Variants in SLC2A9 observed in about 807,000 individuals in gnomAD.
SLC2A9 encodes solute carrier family 2 member 9.
In SLC2A9, 39 loss-of-function variants were observed where a neutral mutation model predicts 50.6. The observed-to-expected ratio is 0.77, with a 90% confidence interval of 0.60 to 1.01. The LOEUF (loss-of-function observed/expected upper bound fraction) is 1.01, where lower values mean the gene tolerates loss of function less well. Among genes scored for constraint, SLC2A9 ranks in the 50% least tolerant of loss-of-function variants. The pLI is 0.00. For synonymous variants in SLC2A9, 324 were observed against 276.9 expected (o/e 1.17, Z -1.69); for missense variants, 686 against 677.6 (o/e 1.01, Z -0.14).
At chr4:9,869,867 C>T (rs948119465) in intron 10 of SLC2A9, among the ~76,000 whole-genome samples, 2 of 152,258 alleles carry the variant, frequency 1.3e-5, no homozygotes, top group African/African-American at 4.8e-5. Flanking sequence ...CACAAATATA[C>T]ATCCATGTCC....
At chr4:9,926,105 G>T (rs1744843987) in intron 6 of SLC2A9, among the ~76,000 whole-genome samples, 1 of 152,058 alleles carries the variant, frequency 6.6e-6, no homozygotes, top group Admixed American at 6.5e-5. Context: ...CCAGGTGTCT[G>T]TACACCTGCT....
intron 3 of SLC2A9, among the ~76,000 whole-genome samples, chr4:9,807,091 G>A (rs1722222261): frequency 6.6e-6 from 1 of 152,168 alleles, no homozygotes; most frequent in Admixed American, 6.5e-5. Context: ...CAGATATAGT[G>A]GCCATCCAGC....
intron 11 of SLC2A9, among the ~76,000 whole-genome samples, chr4:9,830,010 T>C (rs1025470094): frequency 6.6e-6 from 1 of 152,280 alleles, no homozygotes; most frequent in Non-Finnish European, 1.5e-5. Flanking sequence ...ATCCCATTAC[T>C]GGGTATCTAC....
At chr4:9,977,298 A>T (rs147804285) in intron 5 of SLC2A9, among the ~76,000 whole-genome samples, 2,020 of 152,288 alleles carry the variant, frequency 0.013, 27 homozygotes, top group South Asian at 0.026. Flanking sequence ...TTTAAAGGTC[A>T]GTTTCCAATA....
At chr4:9,775,105 G>C (rs961601124), downstream of SLC2A9, among the ~76,000 whole-genome samples, 4 of 152,206 alleles carry the variant, frequency 2.6e-5, no homozygotes, top group African/African-American at 7.2e-5. Flanking sequence ...TAAGGTGACA[G>C]AAGGACAGAC....
chr4:9,995,478 G>A (rs922870487), intron 3 of SLC2A9, among the ~76,000 whole-genome samples: 2 of 152,178 alleles, frequency 1.3e-5, no homozygotes, highest in Non-Finnish European at 1.5e-5. Flanking sequence ...GAGGAAGAAT[G>A]TAAAGGATTC....
chr4:10,036,938 A>C (rs1764125528), intron 1 of SLC2A9, among the ~76,000 whole-genome samples: 1 of 152,138 alleles, frequency 6.6e-6, no homozygotes, highest in South Asian at 2.1e-4. Flanking sequence ...GGGCTTGCTA[A>C]GGAGCAAGCG....
chr4:9,928,335 G>C (rs1259011050), intron 6 of SLC2A9, among the ~76,000 whole-genome samples: 1 of 152,212 alleles, frequency 6.6e-6, no homozygotes, highest in Admixed American at 6.5e-5. Context: ...TTTAACAGGA[G>C]TGAGAAAGTA....
intron 4 of SLC2A9, among the ~76,000 whole-genome samples, chr4:9,981,278 G>A (rs111155343): frequency 0.091 from 485 of 5,352 alleles, 94 homozygotes; most frequent in Middle Eastern, 0.18. Flanking sequence ...TAGTGGTGGT[G>A]GTAGTAGTAA....
At chr4:9,845,423 A>ATTTT (rs1183351674) in intron 10 of SLC2A9, among the ~76,000 whole-genome samples, 2 of 130,824 alleles carry the variant, frequency 1.5e-5, no homozygotes, top group African/African-American at 6.3e-5. Flanking sequence ...ACGATCATCA[A>ATTTT]TTTCTTTTTT....
At chr4:9,798,057 G>T (rs1720810572), downstream of SLC2A9, among the ~76,000 whole-genome samples, 1 of 152,212 alleles carries the variant, frequency 6.6e-6, no homozygotes, top group South Asian at 2.1e-4. Context: ...GAGCAGATGA[G>T]ATTTATTTTT....
At chr4:9,892,816 C>A (rs1298057525) in intron 8 of SLC2A9, among the ~76,000 whole-genome samples, 1 of 152,172 alleles carries the variant, frequency 6.6e-6, no homozygotes, top group African/African-American at 2.4e-5. Flanking sequence ...ATTAACCCTT[C>A]CATGTCTTAA....
chr4:10,030,757 T>C (rs1763917316), intron 1 of SLC2A9, among the ~76,000 whole-genome samples: 1 of 152,214 alleles, frequency 6.6e-6, no homozygotes, highest in African/African-American at 2.4e-5. Context: ...CCCATCTTTC[T>C]GGTCCAAATC....
At chr4:9,976,490 A>G (rs1482236208) in intron 5 of SLC2A9, among the ~76,000 whole-genome samples, 1 of 152,254 alleles carries the variant, frequency 6.6e-6, no homozygotes, top group African/African-American at 2.4e-5. Context: ...AAATCCCCAG[A>G]GACATGAATA....
Position 9,887,654 on chromosome 4 carries a change from C to T in SLC2A9, c.1216-12G>A. ...CAGGGGGCGTGGTCCTGGGAGAGAA[C>T]AGGGAGTGGTCAGGTGAGGAGGTGA... On this transcript the variant is annotated splice_polypyrimidine_tract_variant and intron_variant, in intron 9 of 11. Transcript: ENST00000264784. 4 of 1,508,010 alleles carry T rather than the reference C, an allele frequency of 2.7e-6. No homozygotes were observed. The highest frequency in any genetic ancestry group is 3.6e-6 in the Non-Finnish European group (4 of 1,124,494). The allele number at this position is 1,508,010 out of a possible 1,614,324, so 93.4% of individuals were successfully genotyped here.
At position 9,782,982 on chromosome 4, in the gene SLC2A9, T is replaced by C. The variant is rs1435211229; in HGVS notation, n.386-2917A>G. The C allele has an allele frequency of 6.8e-6, 11 of 1,614,182 alleles. No individual in the cohort carries two copies. Among genetic ancestry groups the C allele is most frequent in the Middle Eastern group, 3.3e-4 (2 of 6,056 alleles). On this transcript the variant is annotated intron_variant and non_coding_transcript_variant, in intron 3 of 3. Transcript: ENST00000503803. ...CTGCCCTTCTTCATCCTTAACTGCA[T>C]GGTCCCTTTCTGCAGTGGACACCCC...
At position 10,021,322 on chromosome 4, in the gene SLC2A9, A is replaced by C. The variant is rs755431146; in HGVS notation, c.108T>G (p.Cys36Trp). 1.2e-6 allele frequency: 2 copies of C among 1,614,014 alleles called. No homozygotes were observed. The highest frequency in any genetic ancestry group is 1.7e-6 in the Non-Finnish European group (2 of 1,180,042). ...PPGPGRALLE[C>W]DHLRSGVPGG... is the part of the protein sequence containing the mutation. ...CTGGCACCCCACTCCTCAGGTGGTC[A>C]CACTCCAGCAGTGCCCTCCCTGGCC... Residue 36 changes from cysteine to tryptophan, a missense_variant, in exon 1 of 12, where the codon TGT (cysteine) becomes TGG (tryptophan). Cys to Trp is a radical substitution (Grantham distance 215). Transcript: ENST00000264784.
chr4:9,971,504 C>T (rs972157518), intron 5 of SLC2A9, among the ~76,000 whole-genome samples: 1 of 152,198 alleles, frequency 6.6e-6, no homozygotes, highest in African/African-American at 2.4e-5. Flanking sequence ...GAACCACTCT[C>T]TCCAAACCCC....
chr4:10,032,806 A>G (rs1431117453), intron 1 of SLC2A9, among the ~76,000 whole-genome samples: 1 of 152,168 alleles, frequency 6.6e-6, no homozygotes, highest in African/African-American at 2.4e-5. Context: ...TCCAGGAAGT[A>G]TCTTGTGGGA....
Sources: allele counts gnomAD v4.1 joint callset (sites outside exome capture counted in the v4.1 genomes callset), GRCh38; gene constraint gnomAD v4.1.1; transcripts MANE v1.5; gene names NCBI Gene and HGNC (gene_info 2026-07-23, HGNC 2026-07-21).